The following GMDS variants were observed in gnomAD, a reference collection of about 807,000 sequenced individuals.
GMDS encodes the protein GDP-mannose 4,6 dehydratase.
In GMDS, 20 loss-of-function variants were observed where a neutral mutation model predicts 49.9. The ratio of observed to expected loss-of-function variants is 0.40; its 90% CI spans 0.28 to 0.58. GMDS has a LOEUF of 0.58. Among genes scored for constraint, GMDS ranks in the 20% least tolerant of loss-of-function variants. The pLI is 0.42. For missense variants in GMDS, 362 were observed against 481.4 expected, an observed-to-expected ratio of 0.75 and a Z score of 2.32; for synonymous variants, 177 against 178.6, an observed-to-expected ratio of 0.99 and a Z score of 0.07.
chr6:1,896,764 A>T (rs757393895), intron 7 of GMDS, among the ~76,000 whole-genome samples: 3 of 152,012 alleles, frequency 2.0e-5, no homozygotes, highest in Non-Finnish European at 4.4e-5. Flanking sequence ...TGTCCCATCA[A>T]AGTGTGATTG....
intron 1 of GMDS, among the ~76,000 whole-genome samples, chr6:2,239,464 C>G (rs887254667): frequency 1.3e-5 from 2 of 152,122 alleles, no homozygotes; most frequent in East Asian, 3.9e-4. Flanking sequence ...CATCACACTA[C>G]TGTAGACTAG....
In GMDS at chr6:1,723,141, T is replaced by C. The variant is rs942585769; in HGVS notation, c.987+3275A>G. 2.6e-5 allele frequency among the ~76,000 whole-genome samples: 4 copies of C among 152,144 alleles called. No homozygotes were observed. In the South Asian group the frequency reaches 8.3e-4, roughly 32 times the overall value. Reference sequence around the variant, plus strand: ...AGCACAGGTGGAACTACGCCCTCTATGGAACCACTGGTGGCCTCTTTCAAG... The same window carrying C: ...AGCACAGGTGGAACTACGCCCTCTACGGAACCACTGGTGGCCTCTTTCAAG... On this transcript the variant is annotated intron_variant, in intron 9 of 10. Coordinates refer to ENST00000380815, the MANE Select transcript of GMDS (RefSeq NM_001500.4).
At chr6:2,017,379 G>A (rs6596868) in intron 4 of GMDS, among the ~76,000 whole-genome samples, 94,501 of 151,598 alleles carry the variant, frequency 0.62, 29,885 homozygotes, top group Non-Finnish European at 0.67. Context: ...CGCTATCTCC[G>A]CTCACTGCAA....
intron 4 of GMDS, among the ~76,000 whole-genome samples, chr6:2,032,355 G>A (rs1332604377): frequency 1.3e-5 from 2 of 152,144 alleles, no homozygotes; most frequent in Non-Finnish European, 2.9e-5. Context: ...ATCCTATACA[G>A]CTGGAAATCT....
chr6:1,922,063 A>G (rs956723236), intron 7 of GMDS, among the ~76,000 whole-genome samples: 1 of 152,234 alleles, frequency 6.6e-6, no homozygotes, highest in Non-Finnish European at 1.5e-5. Context: ...CACAGTGAGT[A>G]GAAATTCAAT....
intron 8 of GMDS, among the ~76,000 whole-genome samples, chr6:1,731,375 A>G (rs7754761): frequency 0.83 from 126,380 of 152,214 alleles, 53,004 homozygotes; most frequent in East Asian, 1. Flanking sequence ...TTTCCACACC[A>G]AAAGGGTGTC....
At chr6:2,142,813 T>C (rs984559469) in intron 1 of GMDS, among the ~76,000 whole-genome samples, 7 of 152,006 alleles carry the variant, frequency 4.6e-5, no homozygotes, top group African/African-American at 1.7e-4. Context: ...CACCTCTAGT[T>C]AACTGTCAGG....
intron 4 of GMDS, among the ~76,000 whole-genome samples, chr6:2,082,128 TGA>T (rs1446072238): frequency 6.6e-6 from 1 of 152,058 alleles, no homozygotes; most frequent in Non-Finnish European, 1.5e-5. Context: ...AAGAAAGTAA[TGA>T]GATAAAAGAC....
At chr6:2,155,836 G>A (rs549723198) in intron 1 of GMDS, among the ~76,000 whole-genome samples, 1 of 152,182 alleles carries the variant, frequency 6.6e-6, no homozygotes, top group South Asian at 2.1e-4. Context: ...AAATTAGGTC[G>A]TGAAGATTTC....
intron 1 of GMDS, among the ~76,000 whole-genome samples, chr6:2,187,515 A>G (rs1778830039): frequency 6.6e-6 from 1 of 152,198 alleles, no homozygotes; most frequent in South Asian, 2.1e-4. Context: ...TTTAGAAAAA[A>G]TTTACATTGA....
chr6:1,745,223 C>T (rs1243119028), intron 7 of GMDS, among the ~76,000 whole-genome samples: 7 of 152,288 alleles, frequency 4.6e-5, no homozygotes, highest in South Asian at 2.1e-4. Flanking sequence ...AGAAACAGTC[C>T]GCTGTGTTAG....
At chr6:2,036,985 G>T (rs147926965) in intron 4 of GMDS, among the ~76,000 whole-genome samples, 8 of 152,180 alleles carry the variant, frequency 5.3e-5, no homozygotes, top group African/African-American at 1.9e-4. Context: ...TTTTGGAGGC[G>T]AAAGGTAATG....
intron 1 of GMDS, among the ~76,000 whole-genome samples, chr6:2,214,363 A>G (rs1490638907): frequency 6.6e-6 from 1 of 152,160 alleles, no homozygotes; most frequent in Non-Finnish European, 1.5e-5. Context: ...CCAACTGCAG[A>G]TCAAAAATAT....
intron 1 of GMDS, among the ~76,000 whole-genome samples, chr6:2,147,672 C>G (rs1271212950): frequency 6.6e-6 from 1 of 151,618 alleles, no homozygotes; most frequent in African/African-American, 2.4e-5. Flanking sequence ...CACCATCCAT[C>G]AAGTGAGAAG....
chr6:1,869,640 T>C (rs915985837), intron 7 of GMDS, among the ~76,000 whole-genome samples: 2 of 152,174 alleles, frequency 1.3e-5, no homozygotes, highest in Non-Finnish European at 2.9e-5. Context: ...CTGCGACCAT[T>C]TTACTTCTGC....
intron 6 of GMDS, among the ~76,000 whole-genome samples, chr6:1,952,418 CAA>C (rs1763391989): frequency 6.6e-6 from 1 of 152,046 alleles, no homozygotes; most frequent in East Asian, 1.9e-4. Context: ...ATGTCAAACG[CAA>C]CACGAAGAGC....
intron 9 of GMDS, among the ~76,000 whole-genome samples, chr6:1,676,305 A>G (rs1365777093): frequency 6.6e-6 from 1 of 152,270 alleles, no homozygotes; most frequent in Non-Finnish European, 1.5e-5. Context: ...ATGGAAGAAC[A>G]TTCCATGCTC....
chr6:2,206,456 A>G (rs374008020), intron 1 of GMDS, among the ~76,000 whole-genome samples: 1 of 152,178 alleles, frequency 6.6e-6, no homozygotes, highest in Non-Finnish European at 1.5e-5. Flanking sequence ...TGTCTCTTGC[A>G]TGAATTCATG....
intron 7 of GMDS, among the ~76,000 whole-genome samples, chr6:1,759,856 G>A (rs1461600926): frequency 1.3e-5 from 2 of 152,188 alleles, no homozygotes; most frequent in African/African-American, 4.8e-5. Context: ...CAAGCCAGGT[G>A]TATTTAAACC....
Sources: allele counts gnomAD v4.1 joint callset (sites outside exome capture counted in the v4.1 genomes callset), GRCh38; gene constraint gnomAD v4.1.1; transcripts MANE v1.5; gene names NCBI Gene and HGNC (gene_info 2026-07-23, HGNC 2026-07-21).